The following SMAD9 variants were observed in gnomAD, a reference collection of about 807,000 sequenced individuals.
SMAD9 encodes MAD homolog 9.
A neutral mutation model predicts 46.1 loss-of-function variants in SMAD9; 36 were observed. The observed-to-expected ratio is 0.78, with a 90% confidence interval of 0.60 to 1.03. SMAD9 has a LOEUF of 1.03. SMAD9 is among the 50% of genes least tolerant of loss of function. The pLI is 0.00. For synonymous variants in SMAD9, 245 were observed against 237.1 expected (o/e 1.03, Z -0.31); for missense variants, 572 against 599.8 (o/e 0.95, Z 0.48).
chr13:36,879,800 C>T lies in SMAD9; in HGVS notation c.-111G>A. The T allele has an allele frequency of 8.7e-7, 1 of 1,146,890 alleles. No individual in the cohort carries two copies. Among genetic ancestry groups the T allele is most frequent in the Middle Eastern group, 2.9e-4 (1 of 3,476 alleles). 71.0% of individuals were successfully genotyped at this position (1,146,890 alleles called of 1,614,324 possible). ...CATAGGGACCAACCCGCCCGTTCTT[C>T]TGGGAGCAGCTGGGACCAATTCAAG... On this transcript the variant is annotated 5_prime_UTR_variant, in exon 2 of 7. Transcript: ENST00000379826.
intron 3 of SMAD9, among the ~76,000 whole-genome samples, chr13:36,867,801 G>A (rs1345645595): frequency 6.6e-6 from 1 of 152,032 alleles, no homozygotes; most frequent in Non-Finnish European, 1.5e-5. Context: ...CAATGGCCAC[G>A]GGGACGCTCT....
At chr13:36,874,710 A>G (rs549610630) in intron 2 of SMAD9, among the ~76,000 whole-genome samples, 72 of 151,882 alleles carry the variant, frequency 4.7e-4, no homozygotes, top group Non-Finnish European at 9.1e-4. Context: ...ACAAAAAATT[A>G]GCCGGGCGTG....
chr13:36,878,686 C>T (rs1053328665), intron 2 of SMAD9, among the ~76,000 whole-genome samples: 1 of 152,074 alleles, frequency 6.6e-6, no homozygotes, highest in Non-Finnish European at 1.5e-5. Context: ...AAAGTAGCAG[C>T]CAAAAACCCT....
At chr13:36,871,512 C>T (rs924311447) in intron 3 of SMAD9, among the ~76,000 whole-genome samples, 3 of 150,860 alleles carry the variant, frequency 2.0e-5, no homozygotes, top group South Asian at 4.2e-4. Flanking sequence ...AGCAAGACTC[C>T]GTCTCAAAAT....
chr13:36,886,994 T>C (rs1193305905), intron 1 of SMAD9, among the ~76,000 whole-genome samples: 3 of 150,390 alleles, frequency 2.0e-5, no homozygotes, highest in Admixed American at 2.0e-4. Flanking sequence ...AAGCAGCATA[T>C]GGAAAATGGG....
chr13:36,891,500 T>G (rs1001125152), intron 1 of SMAD9, among the ~76,000 whole-genome samples: 1 of 152,232 alleles, frequency 6.6e-6, no homozygotes, highest in African/African-American at 2.4e-5. Flanking sequence ...GGGGGAGATG[T>G]GTTGCTTTGT....
intron 1 of SMAD9, among the ~76,000 whole-genome samples, chr13:36,886,370 A>G (rs2058444749): frequency 6.6e-6 from 1 of 152,238 alleles, no homozygotes; most frequent in Admixed American, 6.5e-5. Context: ...GAAATGCAGG[A>G]GGATGGGAGA....
chr13:36,902,860 C>T (rs1422140365), intron 1 of SMAD9, among the ~76,000 whole-genome samples: 2 of 152,142 alleles, frequency 1.3e-5, no homozygotes, highest in Non-Finnish European at 2.9e-5. Context: ...GACGTTTGTC[C>T]ATTTTGTTCA....
intron 1 of SMAD9, among the ~76,000 whole-genome samples, chr13:36,891,704 A>T (rs139841274): frequency 1.3e-5 from 2 of 152,146 alleles, no homozygotes; most frequent in Non-Finnish European, 2.9e-5. Flanking sequence ...CCTAGGGCAT[A>T]AGCTCAAGCT....
rs557621217 is a variant in SMAD9, at chr13:36,887,797, G to A, written c.-186-7922C>T. On this transcript the variant is annotated intron_variant, in intron 1 of 6. Coordinates refer to ENST00000379826, the MANE Select transcript of SMAD9 (RefSeq NM_001127217.3). ...ACAACAGAAGGGAAGAGGAGTAAACGGGAGCAGATACAGGCAGGTTTGTCT... is the reference window on the plus strand; with the variant it reads ...ACAACAGAAGGGAAGAGGAGTAAACAGGAGCAGATACAGGCAGGTTTGTCT... 8.5e-5 allele frequency among the ~76,000 whole-genome samples: 13 copies of A among 152,254 alleles called. No individual in the cohort carries two copies. The East Asian group carries it at 1.4e-3, about 16-fold the overall frequency.
chr13:36,878,643 CATGAG>C (rs1236469452), intron 2 of SMAD9, among the ~76,000 whole-genome samples: 9 of 152,242 alleles, frequency 5.9e-5, no homozygotes, highest in African/African-American at 2.2e-4. Context: ...CAGACCTAGA[CATGAG>C]ATATCTTCTA....
intron 6 of SMAD9, chr13:36,852,503 A>G: frequency 2.0e-6 from 2 of 984,970 alleles, no homozygotes; most frequent in Non-Finnish European, 2.4e-6. Flanking sequence ...TTGGTTCTCC[A>G]GCCTTCATAG....
At chr13:36,873,606 T>C (rs2058317254) in intron 2 of SMAD9, among the ~76,000 whole-genome samples, 1 of 152,220 alleles carries the variant, frequency 6.6e-6, no homozygotes, top group African/African-American at 2.4e-5. Context: ...CTCACGCCTG[T>C]AATACCAGCA....
chr13:36,918,853 C>A (rs1157572319), intron 1 of SMAD9, among the ~76,000 whole-genome samples: 2 of 152,198 alleles, frequency 1.3e-5, no homozygotes, highest in Non-Finnish European at 1.5e-5. Flanking sequence ...TTCACTTTCC[C>A]AGACGGGTGC....
At chr13:36,851,949 A>C in intron 6 of SMAD9, 1 of 980,080 alleles carries the variant, frequency 1.0e-6, no homozygotes, top group African/African-American at 1.8e-5. Context: ...TTTCATCCTA[A>C]TTTTAAAAAC....
chr13:36,868,041 T>C (rs943604541), intron 3 of SMAD9, among the ~76,000 whole-genome samples: 4 of 152,244 alleles, frequency 2.6e-5, no homozygotes, highest in African/African-American at 9.6e-5. Context: ...TCCTTCAGTA[T>C]GCATGTCTAA....
intron 1 of SMAD9, among the ~76,000 whole-genome samples, chr13:36,908,953 T>A (rs2058639568): frequency 6.6e-6 from 1 of 152,192 alleles, no homozygotes. Context: ...GGCAATGAAG[T>A]ACTATGGTAA....
chr13:36,913,491 T>G (rs930756435), intron 1 of SMAD9, among the ~76,000 whole-genome samples: 22 of 152,296 alleles, frequency 1.4e-4, no homozygotes, highest in African/African-American at 4.8e-4. Context: ...ATTGCAACAC[T>G]TTAAAACCCC....
At position 36,847,363 on chromosome 13, in the gene SMAD9, G is replaced by C. The variant is rs750622515; in HGVS notation, c.*1313C>G. 18 of 152,178 alleles carry C rather than the reference G, an allele frequency of 1.2e-4. No homozygotes were observed. Among genetic ancestry groups the C allele is most frequent in the Non-Finnish European group, 1.5e-5 (1 of 68,028 alleles). The allele number at this position is 152,178 out of a possible 1,614,324, so 9.4% of individuals were successfully genotyped here. A position where few individuals can be genotyped will look rare whatever the true frequency, so the allele number is the denominator to read the frequency against. On this transcript the variant is annotated 3_prime_UTR_variant, in exon 7 of 7. Coordinates refer to ENST00000379826, the MANE Select transcript of SMAD9 (RefSeq NM_001127217.3). ...ATTTTTCCAAGCAATGCAGTGTTTA[G>C]TGCATGGCAAGTATATATATGAAAG...
Sources: gnomAD v4.1 joint callset for allele counts (sites outside exome capture counted in the v4.1 genomes callset) on GRCh38, gnomAD v4.1.1 for gene constraint, MANE v1.5 for transcripts, NCBI Gene and HGNC (gene_info 2026-07-23, HGNC 2026-07-21) for gene names.